The following KCTD8 variants were observed in gnomAD, a reference collection of about 807,000 sequenced individuals.
KCTD8 encodes potassium channel tetramerization domain containing 8.
Under a neutral mutation model 31.5 loss-of-function variants are expected in KCTD8, and 27 were observed. That is an observed-to-expected ratio of 0.86 (90% CI 0.63 to 1.18). The LOEUF (loss-of-function observed/expected upper bound fraction) is 1.18, where lower values mean the gene tolerates loss of function less well. KCTD8 is among the 50% of genes most tolerant of loss of function. KCTD8 has a pLI of 0.00. For synonymous variants in KCTD8, 290 were observed against 280.0 expected (o/e 1.04, Z -0.36); for missense variants, 658 against 647.7 (o/e 1.02, Z -0.17).
chr4:44,228,395 T>C (rs538377693), intron 1 of KCTD8, among the ~76,000 whole-genome samples: 1 of 152,186 alleles, frequency 6.6e-6, no homozygotes, highest in Admixed American at 6.5e-5. Context: ...GTTACCTTTT[T>C]AGAGCCCTAT....
At chr4:44,216,404 C>A (rs954658774) in intron 1 of KCTD8, among the ~76,000 whole-genome samples, 8 of 151,876 alleles carry the variant, frequency 5.3e-5, no homozygotes, top group Non-Finnish European at 1.0e-4. Flanking sequence ...ATTTTCTAAC[C>A]CCAAAAAGTA....
chr4:44,411,118 C>A (rs1720943415), intron 1 of KCTD8, among the ~76,000 whole-genome samples: 1 of 152,074 alleles, frequency 6.6e-6, no homozygotes, highest in South Asian at 2.1e-4. Flanking sequence ...TGATGACACT[C>A]CATTTTTCTT....
chr4:44,191,410 C>T (rs1477074725), intron 1 of KCTD8, among the ~76,000 whole-genome samples: 4 of 152,102 alleles, frequency 2.6e-5, no homozygotes, highest in African/African-American at 9.7e-5. Context: ...GGGAAGATAA[C>T]CATAAGGTCT....
At chr4:44,377,939 TTC>T (rs1360592924) in intron 1 of KCTD8, among the ~76,000 whole-genome samples, 4 of 152,130 alleles carry the variant, frequency 2.6e-5, no homozygotes, top group Non-Finnish European at 5.9e-5. Flanking sequence ...CTTTTCATAA[TTC>T]TGTTTGCCAT....
chr4:44,295,210 T>G (rs768797003), intron 1 of KCTD8, among the ~76,000 whole-genome samples: 4 of 152,140 alleles, frequency 2.6e-5, no homozygotes, highest in Non-Finnish European at 5.9e-5. Context: ...GTGGGAGGAT[T>G]GCTTGAGTCC....
chr4:44,373,725 A>AT (rs1719848473), intron 1 of KCTD8, among the ~76,000 whole-genome samples: 1 of 152,072 alleles, frequency 6.6e-6, no homozygotes, highest in African/African-American at 2.4e-5. Context: ...TCATTAACAG[A>AT]TTGTTTTTTC....
chr4:44,220,185 G>T (rs1714767826), intron 1 of KCTD8, among the ~76,000 whole-genome samples: 1 of 152,106 alleles, frequency 6.6e-6, no homozygotes, highest in Admixed American at 6.5e-5. Context: ...GATAGCTCAG[G>T]GTTTCTTGGA....
At chr4:44,312,136 T>C (rs894286115) in intron 1 of KCTD8, among the ~76,000 whole-genome samples, 2 of 152,122 alleles carry the variant, frequency 1.3e-5, no homozygotes, top group Admixed American at 6.6e-5. Flanking sequence ...GTAAAAAATA[T>C]TGGAAAATGT....
At chr4:44,439,899 T>TA (rs1218193629) in intron 1 of KCTD8, among the ~76,000 whole-genome samples, 14 of 47,268 alleles carry the variant, frequency 3.0e-4, no homozygotes, top group South Asian at 9.1e-4. Context: ...CAATCATTTA[T>TA]TTTTATTTAT....
intron 1 of KCTD8, among the ~76,000 whole-genome samples, chr4:44,231,233 C>T (rs550075688): frequency 6.6e-6 from 1 of 152,056 alleles, no homozygotes; most frequent in South Asian, 2.1e-4. Context: ...CCTCATTTCT[C>T]CCCCCAGGCC....
At chr4:44,239,889 T>C (rs1220719483) in intron 1 of KCTD8, among the ~76,000 whole-genome samples, 2 of 152,224 alleles carry the variant, frequency 1.3e-5, no homozygotes, top group African/African-American at 2.4e-5. Flanking sequence ...GTGGTTTGTC[T>C]TTAATCTTAA....
intron 1 of KCTD8, among the ~76,000 whole-genome samples, chr4:44,349,682 T>C (rs961649536): frequency 6.6e-6 from 1 of 152,188 alleles, no homozygotes; most frequent in Admixed American, 6.6e-5. Context: ...CACGACTAGA[T>C]TTGACCTATG....
At chr4:44,410,516 C>T (rs184454949) in intron 1 of KCTD8, among the ~76,000 whole-genome samples, 10 of 152,014 alleles carry the variant, frequency 6.6e-5, no homozygotes, top group Admixed American at 3.9e-4. Context: ...TGAAAAGGGA[C>T]GAGGTTATGG....
chr4:44,303,060 G>T (rs1017475267), intron 1 of KCTD8, among the ~76,000 whole-genome samples: 1 of 152,136 alleles, frequency 6.6e-6, no homozygotes, highest in Non-Finnish European at 1.5e-5. Context: ...TGCATCCCAG[G>T]GATGAAGCCC....
At chr4:44,292,021 C>A (rs1328714500) in intron 1 of KCTD8, among the ~76,000 whole-genome samples, 3 of 144,100 alleles carry the variant, frequency 2.1e-5, no homozygotes, top group Non-Finnish European at 3.0e-5. Flanking sequence ...AACACTTATA[C>A]ACTCTTGGTG....
At chr4:44,221,474 A>G (rs991989324) in intron 1 of KCTD8, among the ~76,000 whole-genome samples, 2 of 152,078 alleles carry the variant, frequency 1.3e-5, no homozygotes, top group Admixed American at 1.3e-4. Context: ...ATTAAGGAGT[A>G]CTGACTCACA....
chr4:44,410,851 T>C (rs1230475053), intron 1 of KCTD8, among the ~76,000 whole-genome samples: 1 of 152,126 alleles, frequency 6.6e-6, no homozygotes, highest in South Asian at 2.1e-4. Flanking sequence ...AAGATTAGAT[T>C]TGGGTGGGGA....
intron 1 of KCTD8, among the ~76,000 whole-genome samples, chr4:44,386,329 G>T (rs1720209596): frequency 6.6e-6 from 1 of 151,156 alleles, no homozygotes; most frequent in Admixed American, 6.6e-5. Flanking sequence ...AATAAAATGT[G>T]GCATGTACAC....
rs768531233 is a variant in KCTD8, at chr4:44,354,495, C to T, written c.961+93068G>A. ...TCCACTTGTCCAGATCACATCCGTACGGTCCATCTCAGGTACTATATTTTT... is the reference window on the plus strand; with the variant it reads ...TCCACTTGTCCAGATCACATCCGTATGGTCCATCTCAGGTACTATATTTTT... On this transcript the variant is annotated intron_variant, in intron 1 of 1. Coordinates refer to ENST00000360029, the MANE Select transcript of KCTD8 (RefSeq NM_198353.3). Among the ~76,000 whole-genome samples, 10 of 152,042 alleles carry T rather than the reference C, an allele frequency of 6.6e-5. No individual in the cohort carries two copies. In the East Asian group the frequency reaches 1.2e-3, roughly 18 times the overall value.
Sources: gnomAD v4.1 joint callset for allele counts (sites outside exome capture counted in the v4.1 genomes callset) on GRCh38, gnomAD v4.1.1 for gene constraint, MANE v1.5 for transcripts, NCBI Gene and HGNC (gene_info 2026-07-23, HGNC 2026-07-21) for gene names.